Variants in GPR158 observed in about 807,000 individuals in gnomAD.
The protein encoded by GPR158 is metabotropic glycine receptor.
GPR158 carries 30 observed loss-of-function variants against 78.2 expected under a neutral mutation model. The observed-to-expected ratio is 0.38, with a 90% CI of 0.29 to 0.52. The LOEUF (loss-of-function observed/expected upper bound fraction) is 0.52. Ranked by LOEUF, GPR158 falls within the 20% of genes least tolerant of loss-of-function variation. The probability of loss-of-function intolerance (pLI) is 0.83; values close to 1 mark genes in which losing one functional copy is unlikely to be tolerated. For missense variants in GPR158, 1,463 were observed against 1,523.5 expected, an observed-to-expected ratio of 0.96 and a Z score of 0.66; for synonymous variants, 581 against 591.1, an observed-to-expected ratio of 0.98 and a Z score of 0.25.
intron 1 of GPR158, among the ~76,000 whole-genome samples, chr10:25,213,613 A>T (rs1853164823): frequency 6.6e-6 from 1 of 152,054 alleles, no homozygotes; most frequent in Non-Finnish European, 1.5e-5. Flanking sequence ...AATAAAAATC[A>T]TGTAAAGTGA....
At chr10:25,361,021 A>G (rs865897383) in intron 2 of GPR158, among the ~76,000 whole-genome samples, 6 of 151,848 alleles carry the variant, frequency 4.0e-5, no homozygotes, top group Middle Eastern at 3.2e-3. Context: ...GTTGTGAAAC[A>G]GATCTTCAGA....
intron 5 of GPR158, among the ~76,000 whole-genome samples, chr10:25,472,785 G>A (rs186872461): frequency 2.0e-3 from 311 of 152,310 alleles, no homozygotes; most frequent in Non-Finnish European, 3.7e-3. Context: ...GAATGCTTGT[G>A]ATTTTTGCAC....
At chr10:25,380,156 T>A (rs535312975) in intron 2 of GPR158, among the ~76,000 whole-genome samples, 9 of 152,124 alleles carry the variant, frequency 5.9e-5, no homozygotes, top group Admixed American at 1.3e-4. Context: ...TTGGGAACAT[T>A]GCAGTGAAGA....
At chr10:25,372,407 A>G (rs1359994630) in intron 2 of GPR158, among the ~76,000 whole-genome samples, 1 of 149,780 alleles carries the variant, frequency 6.7e-6, no homozygotes. Flanking sequence ...ACACATGCAC[A>G]CATATGTTTA....
intron 6 of GPR158, among the ~76,000 whole-genome samples, chr10:25,561,560 A>T (rs891517170): frequency 6.6e-6 from 1 of 152,194 alleles, no homozygotes; most frequent in Non-Finnish European, 1.5e-5. Context: ...TCTATATTTA[A>T]ATCTGTTTCT....
chr10:25,362,338 C>T (rs1855652581), intron 2 of GPR158, among the ~76,000 whole-genome samples: 1 of 151,870 alleles, frequency 6.6e-6, no homozygotes, highest in African/African-American at 2.4e-5. Context: ...GTCAGTACTA[C>T]ACTGGTTTTA....
intron 5 of GPR158, among the ~76,000 whole-genome samples, chr10:25,497,351 G>A (rs2130654001): frequency 6.6e-6 from 1 of 152,284 alleles, no homozygotes; most frequent in South Asian, 2.1e-4. Flanking sequence ...GCTTAATACA[G>A]CACTTCCCAA....
intron 1 of GPR158, among the ~76,000 whole-genome samples, chr10:25,188,756 T>C (rs991710653): frequency 2.6e-5 from 4 of 152,108 alleles, no homozygotes; most frequent in African/African-American, 9.7e-5. Flanking sequence ...CCAAAAGCAA[T>C]GGCAACAGAA....
rs563338939 is a variant in GPR158 at position 25,572,906 on chromosome 10, C to T, written c.1753+19C>T. ...GCAGTTGGTATGTGGTCACTTGTTT[C>T]GTATGATGGTCTTACCATTTTTCAG... On this transcript the variant is annotated intron_variant, in intron 7 of 10. Transcript: ENST00000376351. The T allele has an allele frequency of 7.3e-6, 10 of 1,362,364 alleles. No individual in the cohort carries two copies. The highest frequency in any genetic ancestry group is 4.6e-5 in the East Asian group (2 of 43,726). 84.4% of individuals were successfully genotyped at this position (1,362,364 alleles called of 1,614,324 possible).
Position 25,594,398 on chromosome 10 carries a change from G to T in GPR158, c.1998+1G>T. ...CATTGGGTTGCTTTTGATTCCAAAG[G>T]TATTCTTCTAATATTACTTTTTTTT... is the stretch of plus-strand genomic sequence containing the variant. On this transcript the variant is annotated splice_donor_variant, in intron 9 of 10. Transcript: ENST00000376351. LOFTEE classifies it high-confidence loss of function. 2 of 1,388,352 alleles carry T rather than the reference G, an allele frequency of 1.4e-6. No homozygotes were observed. The highest frequency in any genetic ancestry group is 2.0e-6 in the Non-Finnish European group (2 of 989,938). 86.0% of individuals were successfully genotyped at this position (1,388,352 alleles called of 1,614,324 possible).
At chr10:25,574,625 G>A (rs1214602224) in intron 7 of GPR158, among the ~76,000 whole-genome samples, 6 of 152,126 alleles carry the variant, frequency 3.9e-5, no homozygotes, top group African/African-American at 7.2e-5. Flanking sequence ...GGTGACTCAC[G>A]CCTGTAATCC....
chr10:25,380,642 T>A (rs1210724665), intron 2 of GPR158, among the ~76,000 whole-genome samples: 1 of 152,208 alleles, frequency 6.6e-6, no homozygotes, highest in African/African-American at 2.4e-5. Context: ...GTATATTAGA[T>A]ACTTTAATTT....
intron 2 of GPR158, among the ~76,000 whole-genome samples, chr10:25,340,822 T>C (rs1855292125): frequency 6.6e-6 from 1 of 152,028 alleles, no homozygotes; most frequent in Admixed American, 6.6e-5. Flanking sequence ...AAATGATGGC[T>C]GAGAATACTG....
rs74799060 is a variant in GPR158 at position 25,568,183 on chromosome 10, G to C, written c.1515-4466G>C. ...CCCTGCTGATGTCCAGTAAGACACT[G>C]AGTATACAGGGACTGAACTCAGGAG... On this transcript the variant is annotated intron_variant, in intron 6 of 10. Transcript: ENST00000376351. Among the ~76,000 whole-genome samples the C allele has an allele frequency of 3.9e-5, 6 of 152,274 alleles. No individual in the cohort carries two copies. In the East Asian group the frequency reaches 1.2e-3, roughly 29 times the overall value.
rs141647521 is a variant in GPR158, at chr10:25,484,226, T to C, written c.1404+17507T>C. ...CACACACACCCTGCAGCCTTGGCAT[T>C]GTCTGCTTCCTCTTCCTAGAGCACT... On this transcript the variant is annotated intron_variant, in intron 5 of 10. Transcript: ENST00000376351. Among the ~76,000 whole-genome samples the C allele has an allele frequency of 3.1e-3, 476 of 152,282 alleles. 1 individual carries two copies. The highest frequency in any genetic ancestry group is 9.6e-3 in the African/African-American group (400 of 41,574).
At chr10:25,421,518 T>G (rs1834750919) in intron 4 of GPR158, among the ~76,000 whole-genome samples, 1 of 152,176 alleles carries the variant, frequency 6.6e-6, no homozygotes, top group Non-Finnish European at 1.5e-5. Flanking sequence ...ATAAATTTTT[T>G]TTCTTAAACC....
chr10:25,530,881 G>A (rs576386229), intron 5 of GPR158, among the ~76,000 whole-genome samples: 1 of 152,214 alleles, frequency 6.6e-6, no homozygotes, highest in Admixed American at 6.5e-5. Context: ...GGCCTCACTG[G>A]GATCTCTCCA....
Position 25,226,073 on chromosome 10 carries a change from GGCT to G in GPR158, c.1008+4920_1008+4922del, listed in dbSNP as rs139416927. 8.4e-3 allele frequency among the ~76,000 whole-genome samples: 1,280 copies of G among 151,930 alleles called. 14 individuals carry two copies. The highest frequency in any genetic ancestry group is 0.03 in the African/African-American group (1,225 of 41,426). On this transcript the variant is annotated intron_variant, in intron 2 of 10. Transcript: ENST00000376351. ...TAGCTATGTGTCAGTTCCATCTTGTGGCTGCTATCTCACCATTGCTCTTCTTTT... is the reference window on the plus strand; with the variant it reads ...TAGCTATGTGTCAGTTCCATCTTGTGGCTATCTCACCATTGCTCTTCTTTT...
intron 7 of GPR158, among the ~76,000 whole-genome samples, chr10:25,573,725 C>T (rs1837046445): frequency 6.6e-6 from 1 of 152,116 alleles, no homozygotes; most frequent in Admixed American, 6.5e-5. Context: ...GTTTGATTCC[C>T]ATTTTTTGTC....
Sources: allele counts gnomAD v4.1 joint callset (sites outside exome capture counted in the v4.1 genomes callset), GRCh38; gene constraint gnomAD v4.1.1; transcripts MANE v1.5; gene names NCBI Gene and HGNC (gene_info 2026-07-23, HGNC 2026-07-21).